The following DISP1 variants were observed in gnomAD, a reference collection of about 807,000 sequenced individuals.
DISP1 encodes dispatched RND transporter family member 1.
A neutral mutation model predicts 37.3 loss-of-function variants in DISP1; 30 were observed. The ratio of observed to expected loss-of-function variants is 0.80; its 90% CI spans 0.60 to 1.09. The LOEUF (loss-of-function observed/expected upper bound fraction) is 1.09, where lower values mean the gene tolerates loss of function less well. Ranked by LOEUF, DISP1 falls within the 50% of genes least tolerant of loss-of-function variation. The pLI, the probability that DISP1 is intolerant of heterozygous loss-of-function variation, is 0.00. For missense variants in DISP1, 1,598 were observed against 1,879.5 expected, an observed-to-expected ratio of 0.85 and a Z score of 2.77; for synonymous variants, 634 against 690.2, an observed-to-expected ratio of 0.92 and a Z score of 1.28.
At chr1:222,998,367 C>G (rs1443282870) in intron 8 of DISP1, among the ~76,000 whole-genome samples, 4 of 151,508 alleles carry the variant, frequency 2.6e-5, no homozygotes, top group African/African-American at 4.8e-5. Context: ...CAGAAAACGT[C>G]TGGTAATTAG....
chr1:222,851,385 G>A (rs1266929722), intron 1 of DISP1, among the ~76,000 whole-genome samples: 1 of 151,966 alleles, frequency 6.6e-6, no homozygotes, highest in East Asian at 1.9e-4. Context: ...TTTTTTAAAC[G>A]AGAGGTTCCA....
chr1:222,896,108 C>T (rs918114073), intron 1 of DISP1, among the ~76,000 whole-genome samples: 12 of 149,048 alleles, frequency 8.1e-5, no homozygotes, highest in African/African-American at 2.2e-4. Flanking sequence ...TCCAGGAATT[C>T]GAGACCAACC....
At chr1:222,990,438 A>G (rs1396370722) in intron 4 of DISP1, among the ~76,000 whole-genome samples, 187 bp from the exon 5 acceptor site, 1 of 152,254 alleles carries the variant, frequency 6.6e-6, no homozygotes, top group East Asian at 1.9e-4. Flanking sequence ...CTACAATTAC[A>G]TACAAATATT....
intron 1 of DISP1, among the ~76,000 whole-genome samples, chr1:222,824,839 G>A (rs1663893751): frequency 6.6e-6 from 1 of 152,050 alleles, no homozygotes; most frequent in South Asian, 2.1e-4. Flanking sequence ...TAGAATCCAA[G>A]CTTTGATTAA....
chr1:222,872,026 T>C (rs1265323788), intron 1 of DISP1, among the ~76,000 whole-genome samples: 2 of 152,148 alleles, frequency 1.3e-5, no homozygotes, highest in African/African-American at 2.4e-5. Flanking sequence ...AAAGGCCTTT[T>C]CTGCATCTAT....
chr1:222,920,837 AATTAAT>A (rs1672771588), intron 1 of DISP1, among the ~76,000 whole-genome samples: 3 of 152,264 alleles, frequency 2.0e-5, no homozygotes, highest in East Asian at 3.9e-4. Context: ...ATAGTATATA[AATTAAT>A]ATTAAGTAAA....
At position 223,002,545 on chromosome 1, in the gene DISP1, G is replaced by T. The variant is rs567212527; in HGVS notation, c.1148G>T (p.Arg383Leu). 20 of 1,614,092 alleles carry T rather than the reference G, an allele frequency of 1.2e-5. No homozygotes were observed. In the South Asian group the frequency reaches 2.2e-4, roughly 18 times the overall value. Reference protein sequence around the residue: ...RDVSHTLKLLRTCAKHYQNGT... With the variant: ...RDVSHTLKLLLTCAKHYQNGT... ...GTTTCTCATACCTTGAAGCTGCTTC[G>T]GACTTGTGCCAAACACTACCAAAAT... The change falls in exon 9 of 9, where the codon CGG becomes CTG. Residue 383 changes from arginine to leucine, a missense_variant. Physicochemically the swap from Arg to Leu is moderately radical, Grantham distance 102. Coordinates refer to ENST00000675850, the MANE Select transcript of DISP1 (RefSeq NM_001377229.1).
chr1:222,962,568 G>C (rs1676147546), intron 3 of DISP1, among the ~76,000 whole-genome samples: 1 of 152,116 alleles, frequency 6.6e-6, no homozygotes, highest in Non-Finnish European at 1.5e-5. Flanking sequence ...CATGGTACTG[G>C]TACCAAAACA....
At chr1:222,828,316 T>C (rs1664917514) in intron 1 of DISP1, among the ~76,000 whole-genome samples, 1 of 152,192 alleles carries the variant, frequency 6.6e-6, no homozygotes, top group Admixed American at 6.5e-5. Flanking sequence ...AAGTTTTCTG[T>C]TCTATTTCTT....
At chr1:222,922,087 A>G (rs1362125155) in intron 1 of DISP1, among the ~76,000 whole-genome samples, 1 of 152,186 alleles carries the variant, frequency 6.6e-6, no homozygotes, top group East Asian at 1.9e-4. Flanking sequence ...AGACTAGCAC[A>G]AGCACTGAGG....
At chr1:222,926,328 G>C (rs1335760305) in intron 1 of DISP1, among the ~76,000 whole-genome samples, 2 of 152,124 alleles carry the variant, frequency 1.3e-5, no homozygotes, top group Non-Finnish European at 2.9e-5. Flanking sequence ...TCAGTTAATG[G>C]ATATTTAGGT....
At chr1:222,941,546 G>C (rs894867672) in intron 2 of DISP1, among the ~76,000 whole-genome samples, 4 of 152,200 alleles carry the variant, frequency 2.6e-5, no homozygotes, top group Non-Finnish European at 5.9e-5. Flanking sequence ...GGGGTAGGGT[G>C]TGTTTGAGGA....
At chr1:222,881,989 T>C (rs1271337544) in intron 1 of DISP1, among the ~76,000 whole-genome samples, 1 of 152,172 alleles carries the variant, frequency 6.6e-6, no homozygotes, top group African/African-American at 2.4e-5. Flanking sequence ...TTAAGAAGAC[T>C]GGACCAACAA....
intron 3 of DISP1, among the ~76,000 whole-genome samples, chr1:222,978,752 T>G: frequency 6.6e-6 from 1 of 152,226 alleles, no homozygotes; most frequent in Non-Finnish European, 1.5e-5. Context: ...TAGCCAGTTT[T>G]CCCAGCACCA....
At chr1:222,873,083 T>G (rs546815903) in intron 1 of DISP1, among the ~76,000 whole-genome samples, 1,553 of 152,258 alleles carry the variant, frequency 0.01, 20 homozygotes, top group African/African-American at 0.035. Flanking sequence ...GTTGAGCAGT[T>G]TTGAGTGAGT....
intron 1 of DISP1, among the ~76,000 whole-genome samples, chr1:222,846,416 G>T: frequency 6.6e-6 from 1 of 152,238 alleles, no homozygotes; most frequent in Admixed American, 6.5e-5. Context: ...GCTTGAACCC[G>T]GGAGGCAGAG....
Position 222,984,415 on chromosome 1 carries a change from A to ATATATAT in DISP1, c.539+1306_539+1307insTATATAT, listed in dbSNP as rs1225969320. Among the ~76,000 whole-genome samples the ATATATAT allele has an allele frequency of 3.9e-4, 23 of 58,320 alleles. 1 individual carries two copies. In the South Asian group the frequency reaches 7.0e-3, roughly 18 times the overall value. The allele number at this position is 58,320 out of a possible 152,430, so 38.3% of individuals were successfully genotyped here. On this transcript the variant is annotated intron_variant, in intron 4 of 8. Transcript: ENST00000675850. The stretch of plus-strand genomic sequence containing the variant: ...CCAGACTCTGTCTCAAAAAAAAAAA[A>ATATATAT]AAAAAAATATATATATATATAGAGA...
chr1:222,958,756 T>A (rs1675809838), intron 3 of DISP1, among the ~76,000 whole-genome samples: 1 of 152,190 alleles, frequency 6.6e-6, no homozygotes, highest in African/African-American at 2.4e-5. Context: ...TATTATAGAA[T>A]ATGCTTAACC....
intron 1 of DISP1, among the ~76,000 whole-genome samples, chr1:222,832,245 C>A (rs1665941244): frequency 6.6e-6 from 1 of 151,872 alleles, no homozygotes; most frequent in African/African-American, 2.4e-5. Context: ...CACTCCAGCC[C>A]TGGGACAACT....
Sources: allele counts gnomAD v4.1 joint callset (sites outside exome capture counted in the v4.1 genomes callset), GRCh38; gene constraint gnomAD v4.1.1; transcripts MANE v1.5; gene names NCBI Gene and HGNC (gene_info 2026-07-23, HGNC 2026-07-21).